The following MUC7 variants were observed in gnomAD, a reference collection of about 807,000 sequenced individuals.
MUC7 encodes mucin 7, secreted.
MUC7 carries 2 observed loss-of-function variants against 2.5 expected under a neutral mutation model. That is an observed-to-expected ratio of 0.81 (90% CI 0.33 to 2.55). MUC7 has a LOEUF of 2.55. Ranked by LOEUF, MUC7 falls within the 30% of genes most tolerant of loss-of-function variation. MUC7 has a pLI of 0.11. For missense variants in MUC7, 408 were observed against 455.6 expected, an observed-to-expected ratio of 0.90 and a Z score of 0.95; for synonymous variants, 133 against 173.4, an observed-to-expected ratio of 0.77 and a Z score of 1.83.
intron 1 of MUC7, among the ~76,000 whole-genome samples, chr4:70,434,307 C>T (rs1360540373): frequency 6.6e-6 from 1 of 152,176 alleles, no homozygotes; most frequent in Non-Finnish European, 1.5e-5. Flanking sequence ...ACCAGCTCCT[C>T]TTTATACCTC....
chr4:70,470,954 C>T (rs1403519927), upstream of MUC7, among the ~76,000 whole-genome samples: 1 of 152,120 alleles, frequency 6.6e-6, no homozygotes, highest in East Asian at 1.9e-4. Context: ...AGATGTCACA[C>T]CTAATTAGCA....
At chr4:70,438,000 T>G (rs2109701750) in intron 1 of MUC7, among the ~76,000 whole-genome samples, 1 of 152,324 alleles carries the variant, frequency 6.6e-6, no homozygotes, top group Admixed American at 6.5e-5. Context: ...ATAAATAATT[T>G]TTAAAAGAAT....
chr4:70,481,256 C>T lies in MUC7; in HGVS notation c.512C>T (p.Thr171Ile), dbSNP rs1735165593. Residue 171 changes from threonine to isoleucine, a missense_variant, in exon 3 of 3, where the codon ACA becomes ATA. Thr to Ile is a moderately conservative substitution (Grantham distance 89). This residue lies in a region of MUC7 where 225 missense variants were observed against 240.5 expected (regional missense o/e 0.94). Transcript: ENST00000304887. ...APQDTTAAPP[T>I]PSATTPAPPS... is the part of the protein sequence containing the mutation. ...CAAGACACCACAGCTGCCCCACCCA[C>T]ACCTTCTGCAACTACACCAGCTCCA... 2.5e-6 allele frequency: 4 copies of T among 1,613,918 alleles called. No individual in the cohort carries two copies. The highest frequency in any genetic ancestry group is 3.3e-5 in the Admixed American group (2 of 60,004).
intron 1 of MUC7, among the ~76,000 whole-genome samples, chr4:70,439,345 G>A (rs1469979529): frequency 6.6e-6 from 1 of 152,152 alleles, no homozygotes; most frequent in Non-Finnish European, 1.5e-5. Context: ...CTAAGTGGTG[G>A]CAAAAAGTCT....
At chr4:70,449,073 T>A (rs1734216678) in intron 1 of MUC7, among the ~76,000 whole-genome samples, 1 of 152,200 alleles carries the variant, frequency 6.6e-6, no homozygotes, top group Non-Finnish European at 1.5e-5. Context: ...TTTTATTTTC[T>A]TGTGAGTCTT....
chr4:70,469,767 G>A (rs1734783708), upstream of MUC7, among the ~76,000 whole-genome samples: 4 of 152,208 alleles, frequency 2.6e-5, no homozygotes, highest in South Asian at 8.3e-4. Flanking sequence ...AACAGATGCT[G>A]GAAAGGATGT....
chr4:70,454,070 A>C (rs1055755414), intron 1 of MUC7, among the ~76,000 whole-genome samples: 2 of 151,966 alleles, frequency 1.3e-5, no homozygotes, highest in Admixed American at 1.3e-4. Context: ...AAGCAGAATA[A>C]AGGACTCTCT....
intron 2 of MUC7, among the ~76,000 whole-genome samples, chr4:70,476,800 A>G (rs6824090): frequency 6.6e-6 from 1 of 152,182 alleles, no homozygotes; most frequent in African/African-American, 2.4e-5. Context: ...AAAAATAAAA[A>G]GAAAAGAAAA....
chr4:70,458,735 T>A (rs1234191051), intron 1 of MUC7, among the ~76,000 whole-genome samples: 1 of 152,132 alleles, frequency 6.6e-6, no homozygotes, highest in Non-Finnish European at 1.5e-5. Context: ...AAATAGATTG[T>A]ATTCCATATT....
chr4:70,451,051 C>T (rs1734267451), intron 1 of MUC7, among the ~76,000 whole-genome samples: 2 of 152,120 alleles, frequency 1.3e-5, no homozygotes, highest in African/African-American at 2.4e-5. Context: ...GCCTAGACTG[C>T]CTTTCTAGTT....
intron 1 of MUC7, among the ~76,000 whole-genome samples, chr4:70,431,838 G>A (rs1326418652): frequency 6.6e-6 from 1 of 152,022 alleles, no homozygotes; most frequent in Non-Finnish European, 1.5e-5. Flanking sequence ...ATGTTGGTGT[G>A]CTGCACCCAT....
At chr4:70,471,669 CA>C (rs1458726469), upstream of MUC7, among the ~76,000 whole-genome samples, 2 of 152,120 alleles carry the variant, frequency 1.3e-5, no homozygotes, top group East Asian at 3.8e-4. Context: ...TTTTTCAAGA[CA>C]AAAAGTCAAA....
chr4:70,455,693 G>A (rs1734393448), intron 1 of MUC7, among the ~76,000 whole-genome samples: 1 of 152,062 alleles, frequency 6.6e-6, no homozygotes, highest in Non-Finnish European at 1.5e-5. Context: ...ATATTGCTGA[G>A]AAAAATCAGG....
intron 1 of MUC7, among the ~76,000 whole-genome samples, chr4:70,458,124 T>C (rs2029497): frequency 0.81 from 122,409 of 151,690 alleles, 49,857 homozygotes; most frequent in Middle Eastern, 0.88. Flanking sequence ...TATATTAAAA[T>C]TCACATACTA....
intron 1 of MUC7, among the ~76,000 whole-genome samples, chr4:70,451,231 A>C (rs1734272253): frequency 2.0e-5 from 3 of 152,202 alleles, no homozygotes; most frequent in Non-Finnish European, 2.9e-5. Context: ...CTAACAGGAC[A>C]GCACTGAGTT....
chr4:70,447,986 ATG>A (rs1560547479), intron 1 of MUC7, among the ~76,000 whole-genome samples: 1 of 152,148 alleles, frequency 6.6e-6, no homozygotes, highest in Non-Finnish European at 1.5e-5. Context: ...CTCTATGTCC[ATG>A]AGTTCAATGG....
intron 1 of MUC7, among the ~76,000 whole-genome samples, chr4:70,431,785 A>G (rs1404493016): frequency 1.3e-5 from 2 of 152,058 alleles, no homozygotes; most frequent in African/African-American, 4.8e-5. Flanking sequence ...TCTAGGGTAC[A>G]TGTGCACAAC....
upstream of MUC7, among the ~76,000 whole-genome samples, chr4:70,468,687 T>C (rs1229907427): frequency 6.6e-6 from 1 of 152,138 alleles, no homozygotes; most frequent in Non-Finnish European, 1.5e-5. Flanking sequence ...TACCTAGGAA[T>C]ACAACTTACG....
chr4:70,459,223 A>G (rs1269346758), intron 1 of MUC7, among the ~76,000 whole-genome samples: 1 of 152,226 alleles, frequency 6.6e-6, no homozygotes. Flanking sequence ...AATGTGGCAC[A>G]TATACACCAT....
Sources: allele counts gnomAD v4.1 joint callset (sites outside exome capture counted in the v4.1 genomes callset), GRCh38; gene constraint gnomAD v4.1.1; regional missense constraint gnomAD v4.1.1; transcripts MANE v1.5; gene names NCBI Gene and HGNC (gene_info 2026-07-23, HGNC 2026-07-21).